Variants in CLMP observed in about 807,000 individuals in gnomAD.
CLMP encodes CXADR like cell adhesion molecule, also known as CXADR-like membrane protein.
CLMP carries 27 observed loss-of-function variants against 45.2 expected under a neutral mutation model. That is an observed-to-expected ratio of 0.60 (90% CI 0.44 to 0.82). CLMP has a LOEUF of 0.82. Among genes scored for constraint, CLMP ranks in the 40% least tolerant of loss-of-function variants. The pLI, the probability that CLMP is intolerant of heterozygous loss-of-function variation, is 0.00. For missense variants in CLMP, 403 were observed against 448.4 expected (o/e 0.90, Z 0.91); for synonymous variants, 167 against 171.4 (o/e 0.97, Z 0.20).
intron 1 of CLMP, among the ~76,000 whole-genome samples, chr11:123,110,440 C>T (rs979167505): frequency 1.9e-4 from 27 of 142,276 alleles, no homozygotes; most frequent in Non-Finnish European, 3.2e-4. Context: ...GGTGACAGAG[C>T]GAGACTCCGT....
At chr11:123,139,021 T>C (rs1861117701) in intron 1 of CLMP, among the ~76,000 whole-genome samples, 1 of 152,066 alleles carries the variant, frequency 6.6e-6, no homozygotes, top group African/African-American at 2.4e-5. Context: ...GACACATACA[T>C]TGTATAAAAT....
intron 1 of CLMP, among the ~76,000 whole-genome samples, chr11:123,135,057 C>T (rs981795833): frequency 2.6e-5 from 4 of 151,884 alleles, no homozygotes; most frequent in African/African-American, 2.4e-5. Context: ...GTCAGGAGTT[C>T]GAGACTAACC....
chr11:123,083,287 G>A lies in CLMP; in HGVS notation c.557-80C>T, dbSNP rs560775658. 2.1e-5 allele frequency: 27 copies of A among 1,311,938 alleles called. 1 individual carries two copies. The South Asian group carries it at 3.4e-4, about 16-fold the overall frequency. 81.3% of individuals were successfully genotyped at this position (1,311,938 alleles called of 1,614,324 possible). A position where few individuals can be genotyped will look rare whatever the true frequency, so the allele number is the denominator to read the frequency against. ...ATTGTTTACTTTATTGTATCACTGA[G>A]CTGAGATTCCGTAATGCTATTTGAT... is the stretch of plus-strand genomic sequence containing the variant. On this transcript the variant is annotated intron_variant, in intron 4 of 6. Coordinates refer to ENST00000448775, the MANE Select transcript of CLMP (RefSeq NM_024769.5).
chr11:123,178,199 G>C (rs1348348634), intron 1 of CLMP, among the ~76,000 whole-genome samples: 8 of 152,106 alleles, frequency 5.3e-5, no homozygotes, highest in Admixed American at 5.2e-4. Flanking sequence ...CTTAGAATTG[G>C]TGTCAAATGA....
chr11:123,161,097 A>G (rs1323843854), intron 1 of CLMP, among the ~76,000 whole-genome samples: 1 of 152,188 alleles, frequency 6.6e-6, no homozygotes, highest in Admixed American at 6.5e-5. Context: ...AGGAAAGGCA[A>G]TTACTTGTCC....
At chr11:123,177,068 T>A (rs1291694196) in intron 1 of CLMP, among the ~76,000 whole-genome samples, 1 of 152,164 alleles carries the variant, frequency 6.6e-6, no homozygotes, top group East Asian at 1.9e-4. Context: ...CGGGTGATTG[T>A]TGCCATAACA....
intron 1 of CLMP, among the ~76,000 whole-genome samples, chr11:123,172,237 G>A (rs749735714): frequency 2.6e-5 from 4 of 151,800 alleles, no homozygotes; most frequent in Non-Finnish European, 2.9e-5. Flanking sequence ...TCAGCCTCCC[G>A]AGTAGCTGAG....
intron 1 of CLMP, among the ~76,000 whole-genome samples, chr11:123,170,642 T>C (rs930509263): frequency 6.6e-6 from 1 of 152,108 alleles, no homozygotes; most frequent in African/African-American, 2.4e-5. Flanking sequence ...GGTTTCACCA[T>C]GTTGGCCAAG....
chr11:123,163,238 G>T (rs1861510884), intron 1 of CLMP, among the ~76,000 whole-genome samples: 2 of 152,200 alleles, frequency 1.3e-5, no homozygotes, highest in Admixed American at 1.3e-4. Flanking sequence ...CTTCACTTCA[G>T]TTGGAGAAAT....
intron 1 of CLMP, 72 bp downstream of exon 1, chr11:123,194,841 G>C (rs1861957224): frequency 1.3e-6 from 2 of 1,578,922 alleles, no homozygotes; most frequent in South Asian, 2.2e-5. Context: ...GGTCAGAACC[G>C]GCGTCTTTCC....
intron 1 of CLMP, among the ~76,000 whole-genome samples, chr11:123,177,703 T>C (rs572094697): frequency 5.7e-4 from 86 of 152,208 alleles, no homozygotes; most frequent in African/African-American, 2.0e-3. Flanking sequence ...GATGCCATCC[T>C]TTTTGGGTTT....
chr11:123,150,483 G>GAAA (rs1491432736), intron 1 of CLMP, among the ~76,000 whole-genome samples: 1,592 of 90,984 alleles, frequency 0.017, 37 homozygotes, highest in East Asian at 0.039. Flanking sequence ...AAGAAAGAAA[G>GAAA]GAAGGAAGGA....
At chr11:123,190,851 G>A (rs1035420298) in intron 1 of CLMP, among the ~76,000 whole-genome samples, 40 of 152,314 alleles carry the variant, frequency 2.6e-4, no homozygotes, top group African/African-American at 9.6e-4. Flanking sequence ...AGGAAGGAGA[G>A]ACATTTTTCT....
chr11:123,182,521 T>C (rs1423256090), intron 1 of CLMP, among the ~76,000 whole-genome samples: 1 of 152,208 alleles, frequency 6.6e-6, no homozygotes, highest in Non-Finnish European at 1.5e-5. Context: ...TTGGAATACC[T>C]CTTTGGTGGC....
chr11:123,193,749 T>C lies in CLMP; in HGVS notation c.28+1164A>G, dbSNP rs143655053. Among the ~76,000 whole-genome samples, 733 of 152,316 alleles carry C rather than the reference T, an allele frequency of 4.8e-3. 8 individuals are homozygous for C. Among genetic ancestry groups the C allele is most frequent in the African/African-American group, 0.017 (706 of 41,570 alleles). ...TAGACACCAGCCTCCTTCAAACCTC[T>C]GGTGTTGTAGGCTAGAAGGGACTTA... On this transcript the variant is annotated intron_variant, in intron 1 of 6. Coordinates refer to ENST00000448775, the MANE Select transcript of CLMP (RefSeq NM_024769.5).
intron 2 of CLMP, among the ~76,000 whole-genome samples, chr11:123,087,336 T>A (rs182994329): frequency 6.7e-6 from 1 of 148,636 alleles, no homozygotes; most frequent in African/African-American, 2.5e-5. Context: ...AAACTCCGTC[T>A]CAAAAAAAAA....
At chr11:123,080,343 T>C (rs1865790486) in intron 5 of CLMP, among the ~76,000 whole-genome samples, 1 of 150,848 alleles carries the variant, frequency 6.6e-6, no homozygotes, top group African/African-American at 2.4e-5. Context: ...TTTTTTTTTT[T>C]TGGAGATGGA....
chr11:123,132,803 G>C (rs1214980234), intron 1 of CLMP, among the ~76,000 whole-genome samples: 1 of 151,136 alleles, frequency 6.6e-6, no homozygotes, highest in African/African-American at 2.4e-5. Flanking sequence ...TTTTGAGACA[G>C]GGTCTCACTC....
intron 1 of CLMP, among the ~76,000 whole-genome samples, chr11:123,144,402 G>A (rs558245445): frequency 2.0e-5 from 3 of 152,160 alleles, no homozygotes; most frequent in African/African-American, 7.2e-5. Flanking sequence ...ACCGACTTTC[G>A]CTCTTGTTGC....
Sources: allele counts gnomAD v4.1 joint callset (sites outside exome capture counted in the v4.1 genomes callset), GRCh38; gene constraint gnomAD v4.1.1; transcripts MANE v1.5; gene names NCBI Gene and HGNC (gene_info 2026-07-23, HGNC 2026-07-21).